Variants in MRGPRF observed in about 807,000 individuals in gnomAD.
The protein encoded by MRGPRF is mas-related G protein-coupled receptor member F.
In MRGPRF, 2 loss-of-function variants were observed where a neutral mutation model predicts 3.3. The ratio of observed to expected loss-of-function variants is 0.61; its 90% CI spans 0.25 to 1.92. The LOEUF (loss-of-function observed/expected upper bound fraction) is 1.92, where lower values mean the gene tolerates loss of function less well. Among genes scored for constraint, MRGPRF ranks in the 40% most tolerant of loss-of-function variants. The probability of loss-of-function intolerance (pLI) is 0.16; values close to 1 mark genes in which losing one functional copy is unlikely to be tolerated. For synonymous variants in MRGPRF, 242 were observed against 222.7 expected (o/e 1.09, Z -0.77); for missense variants, 500 against 476.0 (o/e 1.05, Z -0.47).
intron 2 of MRGPRF, 83 bp from the exon 3 acceptor site, chr11:69,006,344 G>C: frequency 2.0e-6 from 2 of 983,730 alleles, no homozygotes. Context: ...CGTGGGGGAG[G>C]GGGGGGGTCC....
intron 2 of MRGPRF, 177 bp downstream of exon 2, chr11:69,009,677 G>A: frequency 1.3e-6 from 1 of 746,408 alleles, no homozygotes; most frequent in East Asian, 2.7e-5. Context: ...GGGTAGGAGG[G>A]TCCAGGGAAC....
At chr11:69,008,662 G>A (rs191195877) in intron 2 of MRGPRF, among the ~76,000 whole-genome samples, 247 of 152,230 alleles carry the variant, frequency 1.6e-3, no homozygotes, top group South Asian at 6.8e-3. Flanking sequence ...AACCCCTGTC[G>A]GCTGGTCTGT....
intron 2 of MRGPRF, among the ~76,000 whole-genome samples, chr11:69,006,643 GACAGAGTCTC>G (rs1360590192): frequency 3.3e-5 from 2 of 59,768 alleles, no homozygotes; most frequent in Non-Finnish European, 6.6e-5. Flanking sequence ...TTTTTTTTGA[GACAGAGTCTC>G]ACTCTGTCAC....
Position 69,005,022 on chromosome 11 carries a change from C to A in MRGPRF, c.*256G>T. 2.2e-6 allele frequency: 1 copy of A among 448,128 alleles called. No individual in the cohort carries two copies. The highest frequency in any genetic ancestry group is 3.9e-6 in the Non-Finnish European group (1 of 259,714). 27.8% of individuals were successfully genotyped at this position (448,128 alleles called of 1,614,324 possible). A position where few individuals can be genotyped will look rare whatever the true frequency, so the allele number is the denominator to read the frequency against. ...AAGGAGGGGCCCCACCACCTGGGGG[C>A]AACTTCTGTACAAGAGGTCTCTAGG... On this transcript the variant is annotated 3_prime_UTR_variant, in exon 3 of 3. Coordinates refer to ENST00000309099, the MANE Select transcript of MRGPRF (RefSeq NM_145015.5).
At chr11:69,009,618 G>T (rs1409772080) in intron 2 of MRGPRF, 6 of 630,384 alleles carry the variant, frequency 9.5e-6, no homozygotes, top group Non-Finnish European at 1.4e-5. Flanking sequence ...AGCACAGCGA[G>T]GGACCTTGAG....
chr11:69,009,760 AG>A (rs748418759), intron 2 of MRGPRF, 93 bp downstream of exon 2: 40 of 1,179,142 alleles, frequency 3.4e-5, no homozygotes, highest in Middle Eastern at 2.3e-4. Context: ...GGGGCCAGGA[AG>A]GGGGGGATGG....
In MRGPRF at chr11:69,005,974, G is replaced by C. The variant is rs1296499509; in HGVS notation, c.336C>G (p.Ala112=). The C allele has an allele frequency of 6.4e-7, 1 of 1,565,808 alleles. No homozygotes were observed. Among genetic ancestry groups the C allele is most frequent in the Non-Finnish European group, 8.7e-7 (1 of 1,155,238 alleles). Residue 112 remains alanine (A), a synonymous_variant, in exon 3 of 3, where the codon GCC becomes GCG. Transcript: ENST00000309099. ...CCCGGCACACGCTGCGGATGTAGTC[G>C]GCAAACGTGCCCAGGAAGCCCCCCG... ...LNTGGFLGTF[A]DYIRSVCRVL... is the part of the protein sequence containing the mutation.
rs753539534 is a variant in MRGPRF, at chr11:69,005,992, GC to G, written c.317del (p.Gly106AlafsTer26). 3 of 1,565,716 alleles carry G rather than the reference GC, an allele frequency of 1.9e-6. No individual in the cohort carries two copies. Among genetic ancestry groups the G allele is most frequent in the African/African-American group, 1.4e-5 (1 of 74,010 alleles). On this transcript the variant is annotated frameshift_variant, in exon 3 of 3. Transcript: ENST00000309099. LOFTEE classifies it low-confidence loss of function (END_TRUNC). ...KAVFSILNTG[G>X]FLGTFADYIR... ...TGTAGTCGGCAAACGTGCCCAGGAA[GC>G]CCCCCGTGTTCAGGATGGAGAACAC...
At chr11:69,007,175 T>G (rs1860507830) in intron 2 of MRGPRF, among the ~76,000 whole-genome samples, 1 of 152,226 alleles carries the variant, frequency 6.6e-6, no homozygotes, top group African/African-American at 2.4e-5. Flanking sequence ...TACAGGCTAT[T>G]TGGGCATCAA....
intron 2 of MRGPRF, among the ~76,000 whole-genome samples, chr11:69,006,739 T>C (rs1325341709): frequency 6.8e-6 from 1 of 147,782 alleles, no homozygotes; most frequent in Non-Finnish European, 1.5e-5. Flanking sequence ...TTCTCCTGCC[T>C]CAGCCTCCTG....
At chr11:69,006,941 G>A (rs1590679609) in intron 2 of MRGPRF, among the ~76,000 whole-genome samples, 1 of 152,104 alleles carries the variant, frequency 6.6e-6, no homozygotes, top group African/African-American at 2.4e-5. Context: ...TTTAAGAAGA[G>A]CAAAGAGACA....
chr11:69,005,830 C>A lies in MRGPRF; in HGVS notation c.480G>T (p.Ser160=), dbSNP rs1434556326. 6.5e-7 allele frequency: 1 copy of A among 1,532,714 alleles called. No homozygotes were observed. Among genetic ancestry groups the A allele is most frequent in the South Asian group, 1.2e-5 (1 of 80,790 alleles). 94.9% of individuals were successfully genotyped at this position (1,532,714 alleles called of 1,614,324 possible). A position where few individuals can be genotyped will look rare whatever the true frequency, so the allele number is the denominator to read the frequency against. The change falls in exon 3 of 3, where the codon TCG becomes TCT. Residue 160 remains serine, a synonymous_variant. Transcript: ENST00000309099. Reference sequence around the variant, plus strand: ...CCCACAGCAGGGCGCACACCACGGCCGACAGGCGCTTGGGCCGCCGGCGCC... The same window carrying A: ...CCCACAGCAGGGCGCACACCACGGCAGACAGGCGCTTGGGCCGCCGGCGCC... ...WYWRRRPKRL[S]AVVCALLWVL... is the part of the protein sequence containing the mutation.
intron 1 of MRGPRF, among the ~76,000 whole-genome samples, chr11:69,010,469 G>A (rs1324636671): frequency 2.0e-5 from 3 of 152,186 alleles, no homozygotes; most frequent in African/African-American, 7.2e-5. Flanking sequence ...TCCCCTACAT[G>A]TGCCTGGGAG....
At position 69,007,542 on chromosome 11, in the gene MRGPRF, A is replaced by G. The variant is rs139600808; in HGVS notation, c.49-1281T>C. On this transcript the variant is annotated intron_variant, in intron 2 of 2. Coordinates refer to ENST00000309099, the MANE Select transcript of MRGPRF (RefSeq NM_145015.5). ...ACTTTCAAATCATTCTGGGAAAAAA[A>G]GCCTATCTGTCAAGAGATAGAGAGA... Among the ~76,000 whole-genome samples, 680 of 152,346 alleles carry G rather than the reference A, an allele frequency of 4.5e-3. 4 individuals are homozygous for G. The highest frequency in any genetic ancestry group is 0.016 in the African/African-American group (655 of 41,578).
At position 69,005,376 on chromosome 11, in the gene MRGPRF, G is replaced by A. The variant is rs747607052; in HGVS notation, c.934C>T (p.Arg312Trp). 2.4e-5 allele frequency: 38 copies of A among 1,572,076 alleles called. No homozygotes were observed. The highest frequency in any genetic ancestry group is 1.3e-4 in the Admixed American group (7 of 54,054). ...AGCTCAGCGCCGTCCCGCAGGGCCC[G>A]CTGGAAGACCACCCTGAGCGGCTCC... Reference protein sequence around the residue: ...LWEPLRVVFQRALRDGAELGE... With the variant: ...LWEPLRVVFQWALRDGAELGE... Residue 312 changes from arginine to tryptophan, a missense_variant, in exon 3 of 3, where the codon CGG (arginine) becomes TGG (tryptophan). By Grantham distance (101) the Arg-to-Trp change is moderately radical (BLOSUM62 -3). Coordinates refer to ENST00000309099, the MANE Select transcript of MRGPRF (RefSeq NM_145015.5).
At chr11:69,006,726 C>T (rs1382975531) in intron 2 of MRGPRF, among the ~76,000 whole-genome samples, 3 of 147,192 alleles carry the variant, frequency 2.0e-5, no homozygotes, top group South Asian at 2.2e-4. Flanking sequence ...CAGGTTCAAG[C>T]GATTCTCCTG....
At chr11:69,010,005 C>T in intron 1 of MRGPRF, 48 bp from the exon 2 acceptor site, 1 of 1,310,368 alleles carries the variant, frequency 7.6e-7, no homozygotes, top group Non-Finnish European at 1.0e-6. Flanking sequence ...AGGGACCCCT[C>T]CCCTTCCTGG....
intron 2 of MRGPRF, among the ~76,000 whole-genome samples, chr11:69,008,336 C>G (rs1303011885): frequency 6.6e-6 from 1 of 152,238 alleles, no homozygotes; most frequent in Non-Finnish European, 1.5e-5. Flanking sequence ...AGCATCTCCC[C>G]TCAAAGGCTG....
chr11:69,010,592 GC>G (rs1440247459), intron 1 of MRGPRF, among the ~76,000 whole-genome samples: 2 of 152,178 alleles, frequency 1.3e-5, no homozygotes, highest in Non-Finnish European at 2.9e-5. Flanking sequence ...GTATCCTCAT[GC>G]CCCTTTGATG....
Sources: allele counts gnomAD v4.1 joint callset (sites outside exome capture counted in the v4.1 genomes callset), GRCh38; gene constraint gnomAD v4.1.1; transcripts MANE v1.5; gene names NCBI Gene and HGNC (gene_info 2026-07-23, HGNC 2026-07-21).